Variants in LRBA observed in about 807,000 individuals in gnomAD.
The protein encoded by LRBA is lipopolysaccharide-responsive and beige-like anchor protein.
In LRBA, 176 loss-of-function variants were observed where a neutral mutation model predicts 330.0. The ratio of observed to expected loss-of-function variants is 0.53; its 90% CI spans 0.47 to 0.60. LRBA has a LOEUF of 0.60. Ranked by LOEUF, LRBA falls within the 20% of genes least tolerant of loss-of-function variation. The probability of loss-of-function intolerance (pLI) is 0.00; values close to 1 mark genes in which losing one functional copy is unlikely to be tolerated. For missense variants in LRBA, 3,259 were observed against 3,444.8 expected (o/e 0.95, Z 1.35); for synonymous variants, 1,230 against 1,193.0 (o/e 1.03, Z -0.64).
rs939598254 is a variant in LRBA at position 150,963,693 on chromosome 4, A to C, written c.217-34628T>G. 1.4e-4 allele frequency among the ~76,000 whole-genome samples: 20 copies of C among 143,098 alleles called. 2 individuals carry two copies. The highest frequency in any genetic ancestry group is 5.4e-4 in the African/African-American group (19 of 35,232). 93.9% of individuals were successfully genotyped at this position (143,098 alleles called of 152,430 possible). On this transcript the variant is annotated intron_variant, in intron 2 of 56. Transcript: ENST00000651943. ...CCTCTGCCTGGCCGCCCAGTCCGGG[A>C]AGTGAGGAGTGCCTCTTCCCGGCCG...
chr4:150,332,413 T>TATCTAATATTCTA, intron 48 of LRBA, among the ~76,000 whole-genome samples: 1 of 152,306 alleles, frequency 6.6e-6, no homozygotes, highest in Admixed American at 6.5e-5. Flanking sequence ...ACTGCCTATT[T>TATCTAATATTCTA]ATCTAATATT....
intron 37 of LRBA, among the ~76,000 whole-genome samples, chr4:150,606,826 T>C (rs1351358366): frequency 1.3e-5 from 2 of 152,206 alleles, no homozygotes; most frequent in Admixed American, 6.5e-5. Context: ...CAGGATTTCA[T>C]TAAGATTTCA....
At chr4:150,451,415 C>T (rs1168133967) in intron 44 of LRBA, among the ~76,000 whole-genome samples, 1 of 152,094 alleles carries the variant, frequency 6.6e-6, no homozygotes, top group East Asian at 1.9e-4. Context: ...TCTGACAAAT[C>T]CCCAAATACA....
chr4:150,639,841 A>ATGTATG (rs1362305053), intron 37 of LRBA, among the ~76,000 whole-genome samples: 1 of 40,584 alleles, frequency 2.5e-5, no homozygotes, highest in Non-Finnish European at 4.9e-5. Context: ...ATATATATAT[A>ATGTATG]TATATATATA....
chr4:150,936,704 G>GA (rs1735113921), intron 2 of LRBA, among the ~76,000 whole-genome samples: 1 of 151,962 alleles, frequency 6.6e-6, no homozygotes, highest in African/African-American at 2.4e-5. Flanking sequence ...CTCTTCAACA[G>GA]TATTTTCTAG....
chr4:150,472,230 G>C (rs1057455558), intron 42 of LRBA, among the ~76,000 whole-genome samples: 1 of 152,016 alleles, frequency 6.6e-6, no homozygotes, highest in Non-Finnish European at 1.5e-5. Context: ...GGGGTAAAGA[G>C]AAATTTTTTT....
At chr4:150,319,700 C>T (rs766037890) in intron 50 of LRBA, among the ~76,000 whole-genome samples, 1 of 152,040 alleles carries the variant, frequency 6.6e-6, no homozygotes, top group African/African-American at 2.4e-5. Flanking sequence ...TTATTTGCAT[C>T]GTTTCATTTC....
chr4:150,380,301 T>A (rs1405513602), intron 47 of LRBA, among the ~76,000 whole-genome samples: 1 of 152,192 alleles, frequency 6.6e-6, no homozygotes, highest in African/African-American at 2.4e-5. Context: ...GTATTCTGAA[T>A]AATATTTACA....
intron 30 of LRBA, among the ~76,000 whole-genome samples, chr4:150,822,668 C>T (rs1342698231): frequency 1.3e-5 from 2 of 152,112 alleles, no homozygotes; most frequent in Admixed American, 6.6e-5. Context: ...GAAGAACGAT[C>T]CCTTGATCCC....
intron 2 of LRBA, among the ~76,000 whole-genome samples, chr4:150,955,612 C>CATTATTA (rs1737459305): frequency 6.8e-6 from 1 of 148,050 alleles, no homozygotes; most frequent in South Asian, 2.1e-4. Flanking sequence ...ATGACGTAGG[C>CATTATTA]CGGGCGCCGT....
At chr4:150,858,276 G>C (rs1047162651) in intron 22 of LRBA, among the ~76,000 whole-genome samples, 3 of 152,258 alleles carry the variant, frequency 2.0e-5, no homozygotes, top group Admixed American at 1.3e-4. Flanking sequence ...AGGATCACTT[G>C]AGCCAAGGAG....
intron 2 of LRBA, among the ~76,000 whole-genome samples, chr4:150,995,477 T>C (rs1043581772): frequency 1.3e-5 from 2 of 151,584 alleles, no homozygotes; most frequent in African/African-American, 2.4e-5. Flanking sequence ...AAAAGAGATA[T>C]AGAAAGTATG....
At chr4:150,555,013 G>GT (rs1454860050) in intron 40 of LRBA, among the ~76,000 whole-genome samples, 2 of 152,156 alleles carry the variant, frequency 1.3e-5, no homozygotes, top group Admixed American at 6.5e-5. Context: ...TACGATAGTT[G>GT]TAAGGGTTAG....
intron 37 of LRBA, among the ~76,000 whole-genome samples, chr4:150,617,023 T>C (rs1775832518): frequency 6.6e-6 from 1 of 152,222 alleles, no homozygotes; most frequent in African/African-American, 2.4e-5. Flanking sequence ...TTAGTACATT[T>C]TGTCAGCAAG....
intron 48 of LRBA, among the ~76,000 whole-genome samples, chr4:150,327,042 T>TAA (rs1029788688): frequency 1.3e-5 from 2 of 152,132 alleles, no homozygotes; most frequent in Non-Finnish European, 2.9e-5. Context: ...ACCTGAAGGC[T>TAA]AAAGGTAGTC....
At chr4:150,803,409 A>G (rs948775741) in intron 33 of LRBA, among the ~76,000 whole-genome samples, 2 of 152,208 alleles carry the variant, frequency 1.3e-5, no homozygotes, top group Admixed American at 1.3e-4. Flanking sequence ...ATAGCTGGTA[A>G]TAAGTTCATA....
chr4:150,844,526 T>C (rs1749568038), intron 27 of LRBA, 132 bp downstream of exon 27: 5 of 691,272 alleles, frequency 7.2e-6, no homozygotes, highest in Admixed American at 3.4e-5. Context: ...ATTTGAATGT[T>C]ATATGCAGGC....
chr4:150,728,731 C>T (rs1730045727), intron 36 of LRBA, among the ~76,000 whole-genome samples: 1 of 151,556 alleles, frequency 6.6e-6, no homozygotes. Context: ...ATGACAGACC[C>T]ACAACCAGTA....
chr4:150,783,988 G>A (rs1738643332), intron 34 of LRBA, among the ~76,000 whole-genome samples: 3 of 152,108 alleles, frequency 2.0e-5, no homozygotes, highest in South Asian at 4.1e-4. Flanking sequence ...TGTACTCAGA[G>A]ATAAAATCAG....
Sources: gnomAD v4.1 joint callset for allele counts (sites outside exome capture counted in the v4.1 genomes callset) on GRCh38, gnomAD v4.1.1 for gene constraint, MANE v1.5 for transcripts, NCBI Gene and HGNC (gene_info 2026-07-23, HGNC 2026-07-21) for gene names.